DNAH10: variants seen among roughly 807,000 people sequenced by gnomAD.
DNAH10 encodes axonemal beta dynein heavy chain 10.
In DNAH10, 348 loss-of-function variants were observed where a neutral mutation model predicts 506.6. That is an observed-to-expected ratio of 0.69 (90% CI 0.63 to 0.75). DNAH10 has a LOEUF of 0.75. Among genes scored for constraint, DNAH10 ranks in the 30% least tolerant of loss-of-function variants. The probability of loss-of-function intolerance (pLI) is 0.00; values close to 1 mark genes in which losing one functional copy is unlikely to be tolerated. For synonymous variants in DNAH10, 2,059 were observed against 2,198.6 expected (o/e 0.94, Z 1.78); for missense variants, 5,179 against 5,787.1 (o/e 0.89, Z 3.41).
chr12:123,929,000 A>T lies in DNAH10; in HGVS notation c.12307-275A>T. 1 of 523,994 alleles carries T rather than the reference A, an allele frequency of 1.9e-6. No homozygotes were observed. The highest frequency in any genetic ancestry group is 3.4e-6 in the Non-Finnish European group (1 of 297,770). The allele number at this position is 523,994 out of a possible 1,614,324, so 32.5% of individuals were successfully genotyped here. ...TCTGTCTCTCTCTCTCTCTCTGGGG[A>T]GGTGGAGGGAAGACTTTACTTTCAT... On this transcript the variant is annotated intron_variant, in intron 70 of 78. Transcript: ENST00000673944. This position sits in a 1 kb window ranked among gnomAD's most constrained non-coding sequence, Gnocchi z 4.9.
Position 123,787,962 on chromosome 12 carries a change from A to G in DNAH10, c.1580A>G (p.Tyr527Cys), listed in dbSNP as rs1166949498. Residue 527 changes from tyrosine to cysteine, a missense_variant, in exon 10 of 79, where the codon TAT becomes TGT. By Grantham distance (194) the Tyr-to-Cys change is radical. Coordinates refer to ENST00000673944, the MANE Select transcript of DNAH10 (RefSeq NM_001372106.1). The surrounding 1 kb of genome is among the most constrained non-coding windows in gnomAD (Gnocchi z 4.6). Reference sequence around the variant, plus strand: ...AAGCGGCTGTTCGAGAGGACGGATTATATGGCCACCATCTGCCAGGACCTC... The same window carrying G: ...AAGCGGCTGTTCGAGAGGACGGATTGTATGGCCACCATCTGCCAGGACCTC... ...DRKRLFERTD[Y>C]MATICQDLSD... 1.9e-6 allele frequency: 3 copies of G among 1,589,922 alleles called. No homozygotes were observed. Among genetic ancestry groups the G allele is most frequent in the African/African-American group, 1.3e-5 (1 of 74,730 alleles).
intron 52 of DNAH10, among the ~76,000 whole-genome samples, chr12:123,887,751 C>CTT (rs113859601): frequency 7.0e-6 from 1 of 143,284 alleles, no homozygotes; most frequent in African/African-American, 2.6e-5. Flanking sequence ...TTTTTTTTTT[C>CTT]TTTTTTTTTT....
chr12:123,841,159 T>G (rs1326005814), intron 29 of DNAH10, among the ~76,000 whole-genome samples, 163 bp from the exon 30 acceptor site: 1 of 152,216 alleles, frequency 6.6e-6, no homozygotes, highest in African/African-American at 2.4e-5. Flanking sequence ...GTCTTTGGGA[T>G]GACCACACAG....
intron 52 of DNAH10, among the ~76,000 whole-genome samples, chr12:123,889,627 T>A (rs1156567367): frequency 6.6e-6 from 1 of 152,076 alleles, no homozygotes; most frequent in Admixed American, 6.5e-5. Flanking sequence ...GGCAGGAGCA[T>A]CTCAGGGCAG....
At chr12:123,865,064 C>T (rs186924946) in intron 40 of DNAH10, among the ~76,000 whole-genome samples, 7 of 152,296 alleles carry the variant, frequency 4.6e-5, no homozygotes, top group Admixed American at 2.6e-4. Context: ...TCTTATACCA[C>T]TAACGTCAGA....
Position 123,870,477 on chromosome 12 carries a change from A to T in DNAH10, c.7631A>T (p.Asn2544Ile). The part of the protein sequence containing the change: ...YIHAPERKFI[N>I]ILVHTVDTTR... ...CATGCCCCCGAGAGGAAATTCATCA[A>T]CATCCTGGGTAAGTCAGAGTCAAAT... The change falls in exon 44 of 79, where the codon AAC becomes ATC. Residue 2544 changes from asparagine to isoleucine, a missense_variant. Asn to Ile is a moderately radical substitution (Grantham distance 149, BLOSUM62 -3). Coordinates refer to ENST00000673944, the MANE Select transcript of DNAH10 (RefSeq NM_001372106.1). 3 of 1,613,494 alleles carry T rather than the reference A, an allele frequency of 1.9e-6. No individual in the cohort carries two copies. In the Admixed American group the frequency reaches 5.0e-5, roughly 27 times the overall value.
chr12:123,856,861 A>T (rs911126730), intron 36 of DNAH10, among the ~76,000 whole-genome samples, 195 bp from the exon 37 acceptor site: 32 of 149,496 alleles, frequency 2.1e-4, no homozygotes, highest in Admixed American at 4.7e-4. Context: ...TTAAATTTAA[A>T]TTAATTTAAA....
At position 123,850,554 on chromosome 12, in the gene DNAH10, C is replaced by A. The variant is rs1449255283; in HGVS notation, c.6103-334C>A. On this transcript the variant is annotated intron_variant, in intron 34 of 78. Coordinates refer to ENST00000673944, the MANE Select transcript of DNAH10 (RefSeq NM_001372106.1). This position sits in a 1 kb window ranked among gnomAD's most constrained non-coding sequence, Gnocchi z 5.5. The stretch of plus-strand genomic sequence containing the variant: ...CATTTCTGTTGTGCAGAAAAATAAA[C>A]TGAGACTCAGAGAGGTTAAGTGACC... Among the ~76,000 whole-genome samples, 1 of 152,180 alleles carries A rather than the reference C, an allele frequency of 6.6e-6. No homozygotes were observed. The highest frequency in any genetic ancestry group is 2.4e-5 in the African/African-American group (1 of 41,446).
intron 50 of DNAH10, among the ~76,000 whole-genome samples, chr12:123,881,235 C>T (rs529498934): frequency 7.9e-5 from 12 of 152,316 alleles, no homozygotes; most frequent in African/African-American, 2.9e-4. Context: ...CACTGACTTC[C>T]ACAATGGTTG....
chr12:123,912,983 T>G, intron 59 of DNAH10, 115 bp from the exon 60 acceptor site: 1 of 1,009,416 alleles, frequency 9.9e-7, no homozygotes, highest in Non-Finnish European at 1.4e-6. Flanking sequence ...ATAGAGGCTC[T>G]GAAAAGCACA....
intron 57 of DNAH10, among the ~76,000 whole-genome samples, chr12:123,908,733 A>G (rs1292975888): frequency 6.6e-6 from 1 of 152,212 alleles, no homozygotes; most frequent in Non-Finnish European, 1.5e-5. Flanking sequence ...GGGGCAACAT[A>G]GCCTGGAAAG....
chr12:123,878,749 A>G (rs1952369739), intron 48 of DNAH10, among the ~76,000 whole-genome samples: 1 of 152,152 alleles, frequency 6.6e-6, no homozygotes, highest in Non-Finnish European at 1.5e-5. Flanking sequence ...AATTTAAAAA[A>G]TTAGCTGAGT....
chr12:123,827,925 C>T (rs1425047883), intron 25 of DNAH10, among the ~76,000 whole-genome samples: 2 of 152,148 alleles, frequency 1.3e-5, no homozygotes, highest in Non-Finnish European at 2.9e-5. Flanking sequence ...GTTTCCTCAT[C>T]TGTAAAACTA....
At chr12:123,912,973 ATAGAG>A in intron 59 of DNAH10, 120 bp from the exon 60 acceptor site, 1 of 888,248 alleles carries the variant, frequency 1.1e-6, no homozygotes, top group Non-Finnish European at 1.7e-6. Context: ...AACATAGCAT[ATAGAG>A]GCTCTGAAAA....
intron 32 of DNAH10, among the ~76,000 whole-genome samples, chr12:123,847,479 G>A (rs898160899): frequency 6.6e-6 from 1 of 152,172 alleles, no homozygotes; most frequent in Non-Finnish European, 1.5e-5. Context: ...AGTTCTGACA[G>A]TGAGAGAGCC....
At chr12:123,778,636 C>T (rs187328643) in intron 5 of DNAH10, among the ~76,000 whole-genome samples, 37 of 151,502 alleles carry the variant, frequency 2.4e-4, no homozygotes, top group Admixed American at 2.3e-3. Flanking sequence ...GTGGAGGTTG[C>T]AGTGAGCTGA....
intron 56 of DNAH10, among the ~76,000 whole-genome samples, chr12:123,900,536 C>G (rs991453016): frequency 3.3e-5 from 5 of 152,216 alleles, no homozygotes; most frequent in African/African-American, 1.2e-4. Context: ...CCTACCTGTG[C>G]TTGTTTTTCT....
chr12:123,812,932 G>T (rs959129013), intron 19 of DNAH10, among the ~76,000 whole-genome samples: 1 of 152,160 alleles, frequency 6.6e-6, no homozygotes, highest in Non-Finnish European at 1.5e-5. Flanking sequence ...TACCATGTCC[G>T]CCCCTTTCCA....
chr12:123,881,724 A>G lies in DNAH10; in HGVS notation c.8734A>G (p.Met2912Val), dbSNP rs1284582847. ...HLTRVHRIIR[M>V]DRGHALLVGV... ...AACCCGGGTGCACCGTATCATCCGC[A>G]TGGACCGCGGCCACGCCCTGCTGGT... The change falls in exon 51 of 79, where the codon ATG becomes GTG. Residue 2912 changes from methionine to valine, a missense_variant. By Grantham distance (21) the Met-to-Val change is conservative. Around this residue, in one of 3 missense-constraint regions of DNAH10, gnomAD observed 4,844 missense variants for 5,430.5 expected, o/e 0.89. Transcript: ENST00000673944. 1 of 1,549,086 alleles carries G rather than the reference A, an allele frequency of 6.5e-7. No individual in the cohort carries two copies. The highest frequency in any genetic ancestry group is 2.0e-5 in the Admixed American group (1 of 50,288).
Sources: gnomAD v4.1 joint callset for allele counts (sites outside exome capture counted in the v4.1 genomes callset) on GRCh38, gnomAD v4.1.1 for gene constraint, gnomAD v4.1.1 regional missense constraint, Gnocchi (gnomAD v3.1) non-coding constraint, MANE v1.5 for transcripts, NCBI Gene and HGNC (gene_info 2026-07-23, HGNC 2026-07-21) for gene names.